Variants in CDC42SE2 observed in about 807,000 individuals in gnomAD.
CDC42SE2 encodes CDC42 small effector protein 2.
A neutral mutation model predicts 11.5 loss-of-function variants in CDC42SE2; 3 were observed. The observed-to-expected ratio is 0.26, with a 90% CI of 0.12 to 0.67. The LOEUF is 0.67. Ranked by LOEUF, CDC42SE2 falls within the 30% of genes least tolerant of loss-of-function variation. CDC42SE2 has a pLI of 0.80. For synonymous variants in CDC42SE2, 33 were observed against 34.8 expected (o/e 0.95, Z 0.18); for missense variants, 82 against 106.8 (o/e 0.77, Z 1.02).
chr5:131,352,829 C>G (rs1466742644), intron 2 of CDC42SE2, among the ~76,000 whole-genome samples: 1 of 152,214 alleles, frequency 6.6e-6, no homozygotes. Context: ...TCTTTGGCAT[C>G]TGATGGAACT....
chr5:131,293,463 C>A (rs1233055859), intron 1 of CDC42SE2, among the ~76,000 whole-genome samples: 1 of 151,492 alleles, frequency 6.6e-6, no homozygotes, highest in Non-Finnish European at 1.5e-5. Flanking sequence ...TCCCGGTTAC[C>A]GGGGCGGCTG....
intron 2 of CDC42SE2, among the ~76,000 whole-genome samples, chr5:131,321,720 C>T (rs368036041): frequency 3.9e-5 from 6 of 152,006 alleles, no homozygotes; most frequent in African/African-American, 1.4e-4. Flanking sequence ...TCTATCTTCC[C>T]CCCCGCCAAA....
intron 2 of CDC42SE2, among the ~76,000 whole-genome samples, chr5:131,357,564 C>CA (rs1749587677): frequency 6.6e-6 from 1 of 152,156 alleles, no homozygotes; most frequent in Non-Finnish European, 1.5e-5. Context: ...CTATAGTTGG[C>CA]AAAGCTTATA....
intron 3 of CDC42SE2, among the ~76,000 whole-genome samples, chr5:131,368,252 CAAAAAAAAAAAAA>C (rs543328653): frequency 1.5e-5 from 1 of 65,432 alleles, no homozygotes; most frequent in African/African-American, 4.1e-5. Context: ...GACTCCATCT[CAAAAAAAAAAAAA>C]AAAAAAAAGA....
chr5:131,311,582 A>T (rs1030412133), intron 1 of CDC42SE2, among the ~76,000 whole-genome samples: 6 of 152,172 alleles, frequency 3.9e-5, no homozygotes, highest in South Asian at 2.1e-4. Context: ...AGGTATACCA[A>T]TCAGACGTAG....
At chr5:131,274,325 A>G (rs1318043030) in intron 1 of CDC42SE2, among the ~76,000 whole-genome samples, 2 of 152,150 alleles carry the variant, frequency 1.3e-5, no homozygotes, top group Non-Finnish European at 2.9e-5. Context: ...CCAAAAACCT[A>G]GTAGACATTC....
At position 131,388,390 on chromosome 5, in the gene CDC42SE2, TAAG is replaced by T. The variant is rs1028519480; in HGVS notation, c.157-2597_157-2595del. 5.3e-5 allele frequency among the ~76,000 whole-genome samples: 8 copies of T among 152,120 alleles called. No individual in the cohort carries two copies. In the South Asian group the frequency reaches 6.2e-4, roughly 12 times the overall value. ...TTCTCCTATGCAATGCAATAATAAA[TAAG>T]AAGAAACCATAAATAGACATGCTGT... On this transcript the variant is annotated intron_variant, in intron 4 of 4. Transcript: ENST00000505065.
intron 3 of CDC42SE2, among the ~76,000 whole-genome samples, chr5:131,360,589 C>T (rs1031020594): frequency 6.6e-6 from 1 of 152,162 alleles, no homozygotes; most frequent in African/African-American, 2.4e-5. Context: ...CAGTCTCTCC[C>T]ACAACATTTT....
chr5:131,294,985 G>T (rs772919030), intron 1 of CDC42SE2, among the ~76,000 whole-genome samples: 1 of 152,140 alleles, frequency 6.6e-6, no homozygotes, highest in Non-Finnish European at 1.5e-5. Context: ...AAATTAGCCA[G>T]GCGTGATGGC....
intron 3 of CDC42SE2, among the ~76,000 whole-genome samples, chr5:131,361,073 G>GTTTT (rs575227658): frequency 7.9e-6 from 1 of 126,028 alleles, no homozygotes; most frequent in African/African-American, 2.8e-5. Context: ...TTGTTTGTTT[G>GTTTT]TTTTTTTTTT....
At chr5:131,318,205 C>T (rs951581909) in intron 2 of CDC42SE2, among the ~76,000 whole-genome samples, 1 of 152,108 alleles carries the variant, frequency 6.6e-6, no homozygotes, top group Non-Finnish European at 1.5e-5. Flanking sequence ...TCCCAAAGTG[C>T]GGGAACTGAA....
intron 1 of CDC42SE2, among the ~76,000 whole-genome samples, chr5:131,283,878 G>A (rs1385182904): frequency 6.6e-6 from 1 of 152,102 alleles, no homozygotes; most frequent in Non-Finnish European, 1.5e-5. Flanking sequence ...ATGGACGTTG[G>A]GTTGTTTGCA....
chr5:131,312,155 T>G (rs1452932428), intron 1 of CDC42SE2, among the ~76,000 whole-genome samples: 2 of 152,158 alleles, frequency 1.3e-5, no homozygotes, highest in Non-Finnish European at 2.9e-5. Context: ...TTAGTTTTCC[T>G]TCTAACAGAC....
intron 1 of CDC42SE2, among the ~76,000 whole-genome samples, chr5:131,298,749 G>T (rs1175333558): frequency 6.6e-6 from 1 of 152,026 alleles, no homozygotes; most frequent in African/African-American, 2.4e-5. Context: ...AATCTTTGAA[G>T]GCTGTCATAT....
At chr5:131,363,239 T>A (rs1032990401) in intron 3 of CDC42SE2, among the ~76,000 whole-genome samples, 4 of 150,188 alleles carry the variant, frequency 2.7e-5, no homozygotes, top group African/African-American at 1.0e-4. Flanking sequence ...TAAGGTAGCT[T>A]TAAAAAACAA....
intron 1 of CDC42SE2, among the ~76,000 whole-genome samples, chr5:131,286,396 T>TG (rs1757342148): frequency 6.7e-6 from 1 of 150,018 alleles, no homozygotes; most frequent in Non-Finnish European, 1.5e-5. Flanking sequence ...TTTTTTTTTT[T>TG]TTTTTTTTTT....
At chr5:131,301,633 C>A (rs1182805436) in intron 1 of CDC42SE2, among the ~76,000 whole-genome samples, 1 of 151,826 alleles carries the variant, frequency 6.6e-6, no homozygotes, top group East Asian at 1.9e-4. Context: ...TGGCGCGTGC[C>A]TGTAATTCCA....
At chr5:131,266,954 C>CTT (rs34496996) in intron 1 of CDC42SE2, among the ~76,000 whole-genome samples, 14 of 69,526 alleles carry the variant, frequency 2.0e-4, no homozygotes, top group South Asian at 6.5e-4. Flanking sequence ...AAGTGTTTGG[C>CTT]TTTTTTTTTT....
At chr5:131,301,840 A>G (rs1757689318) in intron 1 of CDC42SE2, among the ~76,000 whole-genome samples, 1 of 152,004 alleles carries the variant, frequency 6.6e-6, no homozygotes, top group Non-Finnish European at 1.5e-5. Flanking sequence ...ATAATGTATC[A>G]TCATAATATT....
Sources: allele counts gnomAD v4.1 joint callset (sites outside exome capture counted in the v4.1 genomes callset), GRCh38; gene constraint gnomAD v4.1.1; transcripts MANE v1.5; gene names NCBI Gene and HGNC (gene_info 2026-07-23, HGNC 2026-07-21).